The following ADSL variants were observed in gnomAD, a reference collection of about 807,000 sequenced individuals.
ADSL encodes adenylosuccinate lyase.
Under a neutral mutation model 62.1 loss-of-function variants are expected in ADSL, and 44 were observed. The ratio of observed to expected loss-of-function variants is 0.71; its 90% confidence interval spans 0.56 to 0.91. The LOEUF is 0.91. ADSL is among the 40% of genes least tolerant of loss of function. ADSL has a pLI of 0.00. For missense variants in ADSL, 531 were observed against 627.4 expected, an observed-to-expected ratio of 0.85 and a Z score of 1.64; for synonymous variants, 198 against 220.5, an observed-to-expected ratio of 0.90 and a Z score of 0.90.
At chr22:40,386,316 G>A (rs1337997463) in intron 2 of ADSL, among the ~76,000 whole-genome samples, 1 of 152,136 alleles carries the variant, frequency 6.6e-6, no homozygotes, top group Non-Finnish European at 1.5e-5. Flanking sequence ...ATTATTAAGT[G>A]TGAAATAATA....
At chr22:40,387,431 TTTAATTA>T (rs1601864128) in intron 2 of ADSL, 1 of 377,206 alleles carries the variant, frequency 2.7e-6, no homozygotes, top group African/African-American at 2.1e-5. Flanking sequence ...ACCTGTGTAG[TTTAATTA>T]TATGAAAAAT....
At position 40,351,464 on chromosome 22, in the gene ADSL, G is replaced by A. The variant is rs557264559; in HGVS notation, c.357+1429G>A. 1.0e-3 allele frequency among the ~76,000 whole-genome samples: 156 copies of A among 150,850 alleles called. 6 individuals are homozygous for A. The South Asian group carries it at 0.031, about 30-fold the overall frequency. ...TGGGATTACAGGCGTTAGCCACCACGCCTGGCAAATTTTTAAAATATTTAT... is the reference window on the plus strand; with the variant it reads ...TGGGATTACAGGCGTTAGCCACCACACCTGGCAAATTTTTAAAATATTTAT... On this transcript the variant is annotated intron_variant, in intron 2 of 12. Transcript: ENST00000623063.
At chr22:40,372,841 AC>A (rs1410394113), downstream of ADSL, 1 of 152,206 alleles carries the variant, frequency 6.6e-6, no homozygotes, top group African/African-American at 2.4e-5. Context: ...AAAATCTTGT[AC>A]ATTTGATAAT....
intron 2 of ADSL, among the ~76,000 whole-genome samples, chr22:40,380,682 T>C (rs573740635): frequency 4.0e-4 from 61 of 152,278 alleles, no homozygotes; most frequent in African/African-American, 1.4e-3. Flanking sequence ...ACACCTGTAA[T>C]CCCAGCACTT....
At position 40,365,788 on chromosome 22, in the gene ADSL, G is replaced by C. The variant is rs577626975; in HGVS notation, c.1369-648G>C. 9.2e-5 allele frequency among the ~76,000 whole-genome samples: 14 copies of C among 152,100 alleles called. No individual in the cohort carries two copies. The East Asian group carries it at 1.7e-3, about 19-fold the overall frequency. On this transcript the variant is annotated intron_variant, in intron 12 of 12. Transcript: ENST00000623063. Reference sequence around the variant, plus strand: ...CAGGGCTGAGGCGGGAGGATAGCTTGAGCCTAGGAGGTCAAGGCTGCAGTG... The same window carrying C: ...CAGGGCTGAGGCGGGAGGATAGCTTCAGCCTAGGAGGTCAAGGCTGCAGTG...
intron 2 of ADSL, among the ~76,000 whole-genome samples, chr22:40,383,466 C>CAA (rs534039238): frequency 9.2e-5 from 8 of 87,368 alleles, no homozygotes; most frequent in East Asian, 3.3e-4. Flanking sequence ...GACTCTGTCT[C>CAA]AAAAAAAAAA....
intron 11 of ADSL, 137 bp from the exon 12 acceptor site, chr22:40,364,743 C>A: frequency 2.2e-6 from 2 of 899,444 alleles, no homozygotes; most frequent in South Asian, 1.4e-5. Flanking sequence ...TACAGATAGA[C>A]ACAGGAACCA....
intron 4 of ADSL, among the ~76,000 whole-genome samples, chr22:40,355,696 C>T (rs2044527387): frequency 6.6e-6 from 1 of 152,148 alleles, no homozygotes; most frequent in Non-Finnish European, 1.5e-5. Flanking sequence ...TGCTAATTTA[C>T]TTCTTTCTTT....
intron 2 of ADSL, among the ~76,000 whole-genome samples, chr22:40,351,221 A>G (rs1005745549): frequency 4.6e-5 from 7 of 151,068 alleles, no homozygotes; most frequent in African/African-American, 1.5e-4. Context: ...CCCAGGCTGG[A>G]GTGCAATGGC....
rs112635129 is a variant in ADSL, at chr22:40,364,222, T to C, written c.1102-54T>C. On this transcript the variant is annotated intron_variant, in intron 10 of 12. Coordinates refer to ENST00000623063, the MANE Select transcript of ADSL (RefSeq NM_000026.4). ...TTTGTTTGACATCCTGCTGTGTTTA[T>C]GACTTTAACCTTGAGGCACCTTTCT... is the stretch of plus-strand genomic sequence containing the variant. 15 of 1,476,180 alleles carry C rather than the reference T, an allele frequency of 1.0e-5. No individual in the cohort carries two copies. In the African/African-American group the frequency reaches 1.7e-4, roughly 16 times the overall value. The allele number at this position is 1,476,180 out of a possible 1,614,324, so 91.4% of individuals were successfully genotyped here.
intron 4 of ADSL, among the ~76,000 whole-genome samples, chr22:40,357,998 G>A (rs568608623): frequency 1.8e-4 from 27 of 151,574 alleles, no homozygotes; most frequent in Non-Finnish European, 2.5e-4. Context: ...CGCTGGTCTC[G>A]AACTCCTGAC....
chr22:40,354,566 A>T (rs2044476776), intron 4 of ADSL, among the ~76,000 whole-genome samples: 1 of 152,192 alleles, frequency 6.6e-6, no homozygotes, highest in African/African-American at 2.4e-5. Context: ...TTATGATAGT[A>T]AACATTAGAA....
rs574557727 is a variant in ADSL at position 40,386,001 on chromosome 22, G to A, written c.90-4229G>A. ...CAGGTAGCTGGGACTACAGGCGCAC[G>A]CCACCATGCCCGGCTAATTTTTTGT... On this transcript the variant is annotated intron_variant, in intron 2 of 2. Coordinates refer to the ADSL transcript ENST00000498234. 1.1e-4 allele frequency among the ~76,000 whole-genome samples: 17 copies of A among 151,642 alleles called. No homozygotes were observed. In the East Asian group the frequency reaches 2.5e-3, roughly 22 times the overall value.
At chr22:40,359,335 C>T (rs375709749) in intron 6 of ADSL, 29 bp downstream of exon 6, 11 of 1,610,712 alleles carry the variant, frequency 6.8e-6, no homozygotes, top group Non-Finnish European at 9.3e-6. Flanking sequence ...GTTGGCCTCC[C>T]TGTTAAGTTG....
chr22:40,349,436 G>A (rs947520829), intron 1 of ADSL, among the ~76,000 whole-genome samples: 15 of 148,506 alleles, frequency 1.0e-4, no homozygotes, highest in South Asian at 2.1e-4. Context: ...GTGCAGTGCC[G>A]CAATCTTGGC....
chr22:40,368,196 A>G lies in ADSL; in HGVS notation c.*1674A>G, dbSNP rs1349805428. The G allele has an allele frequency of 2.0e-5, 3 of 152,146 alleles. No homozygotes were observed. The highest frequency in any genetic ancestry group is 4.8e-5 in the African/African-American group (2 of 41,432). The allele number at this position is 152,146 out of a possible 1,614,324, so 9.4% of individuals were successfully genotyped here. A position where few individuals can be genotyped will look rare whatever the true frequency, so the allele number is the denominator to read the frequency against. The stretch of plus-strand genomic sequence containing the variant: ...AAGAGACACACTGAGCTCAATACCC[A>G]TTACTGAGACTGGCTTGGGGCCAGA... On this transcript the variant is annotated 3_prime_UTR_variant, in exon 13 of 13. Transcript: ENST00000623063.
In ADSL at chr22:40,362,984, G is replaced by A. The variant is rs1443561093; in HGVS notation, c.1014G>A (p.Arg338=). The A allele has an allele frequency of 5.6e-6, 9 of 1,613,216 alleles. No individual in the cohort carries two copies. The highest frequency in any genetic ancestry group is 7.6e-6 in the Non-Finnish European group (9 of 1,179,284). ...ERTLDDSANR[R]ICLAEAFLTA... ...TGAATGGCTATTTGTTTTCTAGACG[G>A]ATCTGTTTGGCCGAGGCATTTCTTA... Residue 338 remains arginine, a synonymous_variant, in exon 10 of 13, where the codon CGG becomes CGA. Transcript: ENST00000623063.
chr22:40,364,312 A>G lies in ADSL; in HGVS notation c.1138A>G (p.Met380Val), dbSNP rs368160421. 7.4e-6 allele frequency: 12 copies of G among 1,613,970 alleles called. No homozygotes were observed. Among genetic ancestry groups the G allele is most frequent in the Non-Finnish European group, 1.0e-5 (12 of 1,180,024 alleles). Residue 380 changes from methionine to valine, a missense_variant, in exon 11 of 13, where the codon ATG (methionine) becomes GTG (valine). Met to Val is a conservative substitution (Grantham distance 21). Coordinates refer to ENST00000623063, the MANE Select transcript of ADSL (RefSeq NM_000026.4). The stretch of plus-strand genomic sequence containing the variant: ...GCGCATTCGGCAAGAGCTGCCTTTC[A>G]TGGCCACAGAGAACATCATCATGGC... The part of the protein sequence containing the change: ...ERRIRQELPF[M>V]ATENIIMAMV...
chr22:40,366,036 G>T (rs2044992549), intron 12 of ADSL, among the ~76,000 whole-genome samples: 1 of 151,982 alleles, frequency 6.6e-6, no homozygotes, highest in South Asian at 2.1e-4. Flanking sequence ...ACTGCAACGG[G>T]CCAAGCAGTA....
Sources: allele counts gnomAD v4.1 joint callset (sites outside exome capture counted in the v4.1 genomes callset), GRCh38; gene constraint gnomAD v4.1.1; transcripts MANE v1.5; gene names NCBI Gene and HGNC (gene_info 2026-07-23, HGNC 2026-07-21).